The following BNIP2 variants were observed in gnomAD, a reference collection of about 807,000 sequenced individuals.
The protein encoded by BNIP2 is BCL2/adenovirus E1B 19 kDa protein-interacting protein 2.
BNIP2 carries 36 observed loss-of-function variants against 43.4 expected under a neutral mutation model. The observed-to-expected ratio is 0.83, with a 90% CI of 0.64 to 1.10. The LOEUF (loss-of-function observed/expected upper bound fraction) is 1.10. BNIP2 is among the 50% of genes least tolerant of loss of function. The pLI, the probability that BNIP2 is intolerant of heterozygous loss-of-function variation, is 0.00. For synonymous variants in BNIP2, 146 were observed against 121.0 expected (o/e 1.21, Z -1.35); for missense variants, 417 against 374.1 (o/e 1.11, Z -0.95).
At chr15:59,678,295 T>C in intron 4 of BNIP2, 1 of 1,289,064 alleles carries the variant, frequency 7.8e-7, no homozygotes, top group Non-Finnish European at 9.8e-7. Flanking sequence ...TTAACTTTTA[T>C]TGCCCAATTT....
At chr15:59,668,769 C>A in intron 9 of BNIP2, 123 bp downstream of exon 9, 1 of 805,404 alleles carries the variant, frequency 1.2e-6, no homozygotes, top group Non-Finnish European at 1.9e-6. Flanking sequence ...CACACACACA[C>A]ACACGCGCGC....
At chr15:59,677,082 A>G in intron 5 of BNIP2, 3 of 1,610,280 alleles carry the variant, frequency 1.9e-6, no homozygotes, top group Non-Finnish European at 8.5e-7. Flanking sequence ...AGGCTAAGAA[A>G]GCACTACCTT....
Position 59,663,527 on chromosome 15 carries a change from C to T in BNIP2, c.*542G>A, listed in dbSNP as rs1892385006. On this transcript the variant is annotated 3_prime_UTR_variant, in exon 10 of 10. Coordinates refer to ENST00000607373, the MANE Select transcript of BNIP2 (RefSeq NM_004330.4). The stretch of plus-strand genomic sequence containing the variant: ...ATACATGATCTTTGGGTATTCATGA[C>T]AATCAGTTTAACCATCTGTTGCCTT... 1 of 152,580 alleles carries T rather than the reference C, an allele frequency of 6.6e-6. No homozygotes were observed. The highest frequency in any genetic ancestry group is 1.9e-4 in the East Asian group (1 of 5,196). The allele number at this position is 152,580 out of a possible 1,614,324, so 9.5% of individuals were successfully genotyped here. A position where few individuals can be genotyped will look rare whatever the true frequency, so the allele number is the denominator to read the frequency against.
In BNIP2 at chr15:59,682,447, A is replaced by T. The variant is rs1316793983; in HGVS notation, c.11T>A (p.Val4Glu). Residue 4 changes from valine to glutamate, a missense_variant, in exon 2 of 10, where the codon GTG becomes GAG. Val to Glu is a moderately radical substitution (Grantham distance 121, BLOSUM62 -2). Coordinates refer to ENST00000607373, the MANE Select transcript of BNIP2 (RefSeq NM_004330.4). The stretch of plus-strand genomic sequence containing the variant: ...ATCTTGCCATTCTTCTTTAAGTTCC[A>T]CACCTTCCATCCTCAGCCTGGATTC... MEG[V>E]ELKEEWQDED... 31 of 1,613,610 alleles carry T rather than the reference A, an allele frequency of 1.9e-5. No individual in the cohort carries two copies. Among genetic ancestry groups the T allele is most frequent in the Non-Finnish European group, 2.4e-5 (28 of 1,179,766 alleles).
intron 9 of BNIP2, among the ~76,000 whole-genome samples, chr15:59,667,722 C>G (rs1366777321): frequency 6.6e-6 from 1 of 152,180 alleles, no homozygotes; most frequent in Admixed American, 6.5e-5. Context: ...TTTAAAAAGT[C>G]TGCAAAAATA....
At chr15:59,682,350 G>A (rs1893738380) in intron 2 of BNIP2, 58 bp downstream of exon 2, 8 of 1,474,920 alleles carry the variant, frequency 5.4e-6, no homozygotes, top group South Asian at 4.9e-5. Context: ...GTAACATCTC[G>A]ATAAAGAAAT....
At chr15:59,680,154 GTTTTT>G in intron 3 of BNIP2, 82 bp downstream of exon 3, 1 of 818,094 alleles carries the variant, frequency 1.2e-6, no homozygotes, top group Non-Finnish European at 1.7e-6. Context: ...AAAAACTCAA[GTTTTT>G]TTTTTTTTTG....
chr15:59,676,816 C>T (rs1242647767), intron 5 of BNIP2: 2 of 1,538,780 alleles, frequency 1.3e-6, no homozygotes, highest in African/African-American at 2.7e-5. Context: ...TGCAGCGCCG[C>T]TACTACTTCC....
chr15:59,678,337 T>C, intron 4 of BNIP2: 1 of 1,209,452 alleles, frequency 8.3e-7, no homozygotes. Context: ...GTGAAACGTG[T>C]ATCCACAAGT....
At position 59,688,692 on chromosome 15, in the gene BNIP2, T is replaced by C. The variant is rs968257238; in HGVS notation, c.-58+443A>G. On this transcript the variant is annotated intron_variant, in intron 1 of 9. Coordinates refer to ENST00000607373, the MANE Select transcript of BNIP2 (RefSeq NM_004330.4). ...GATCTATTAAAGCCCTGATTACTTA[T>C]GCTGCTTCCGTGTCTATTCCCCGCG... 2.9e-5 allele frequency: 44 copies of C among 1,533,944 alleles called. 1 individual carries two copies. The highest frequency in any genetic ancestry group is 3.8e-5 in the Non-Finnish European group (43 of 1,145,494).
rs1182315424 is a variant in BNIP2 at position 59,663,930 on chromosome 15, C to T, written c.*139G>A. Reference sequence around the variant, plus strand: ...GCAGTGAACAGTCCCTTGTATAATACAAAAGTCCATTATGAAAAAGTCAAG... The same window carrying T: ...GCAGTGAACAGTCCCTTGTATAATATAAAAGTCCATTATGAAAAAGTCAAG... On this transcript the variant is annotated 3_prime_UTR_variant, in exon 10 of 10. Coordinates refer to ENST00000607373, the MANE Select transcript of BNIP2 (RefSeq NM_004330.4). The T allele has an allele frequency of 4.5e-6, 3 of 668,638 alleles. No homozygotes were observed. Among genetic ancestry groups the T allele is most frequent in the South Asian group, 2.5e-5 (1 of 39,380 alleles). 41.4% of individuals were successfully genotyped at this position (668,638 alleles called of 1,614,324 possible). A position where few individuals can be genotyped will look rare whatever the true frequency, so the allele number is the denominator to read the frequency against.
rs1401102785 is a variant in BNIP2 at position 59,679,752 on chromosome 15, A to G, written c.135T>C (p.Asn45=). The change falls in exon 4 of 10, where the codon AAT becomes AAC. Residue 45 remains asparagine, a synonymous_variant. Coordinates refer to ENST00000607373, the MANE Select transcript of BNIP2 (RefSeq NM_004330.4). The part of the protein sequence containing the change: ...PEDQPGSLEV[N]GNKVRKKLMA... ...TTAGTTTCTTTCTCACTTTATTTCC[A>G]TTAACTTCTAGTGAGCCTGGAATTG... 15 of 1,541,710 alleles carry G rather than the reference A, an allele frequency of 9.7e-6. No homozygotes were observed. Among genetic ancestry groups the G allele is most frequent in the Non-Finnish European group, 1.3e-5 (15 of 1,150,852 alleles).
chr15:59,672,697 A>T lies in BNIP2; in HGVS notation c.515T>A (p.Val172Asp), dbSNP rs778983160. Residue 172 changes from valine to aspartate, a missense_variant, in exon 6 of 10, where the codon GTC becomes GAC. Coordinates refer to ENST00000607373, the MANE Select transcript of BNIP2 (RefSeq NM_004330.4). ...CTGACTACTTTCAGGCATGAAACAG[A>T]CAGCAAACACAACAATGGCATTTAA... is the stretch of plus-strand genomic sequence containing the variant. ...DGLNAIVVFA[V>D]CFMPESSQPN... is the part of the protein sequence containing the mutation. The T allele has an allele frequency of 8.1e-6, 13 of 1,613,788 alleles. No individual in the cohort carries two copies. In the East Asian group the frequency reaches 2.0e-4, roughly 25 times the overall value.
chr15:59,674,161 A>T (rs1261266944), intron 5 of BNIP2, among the ~76,000 whole-genome samples: 1 of 152,110 alleles, frequency 6.6e-6, no homozygotes, highest in Admixed American at 6.6e-5. Flanking sequence ...CAGTAATGGA[A>T]AACAGCGCTA....
chr15:59,682,225 G>A (rs965036299), intron 2 of BNIP2, among the ~76,000 whole-genome samples, 183 bp downstream of exon 2: 1 of 152,120 alleles, frequency 6.6e-6, no homozygotes, highest in Non-Finnish European at 1.5e-5. Flanking sequence ...TACCTGGGAG[G>A]TGGAGGCAGA....
rs1175671159 is a variant in BNIP2, at chr15:59,689,304, G to T, written c.-227C>A. 1.3e-6 allele frequency: 2 copies of T among 1,547,004 alleles called. No homozygotes were observed. The stretch of plus-strand genomic sequence containing the variant: ...CAGCGGTACGGCGTCGGCGGCAGCA[G>T]CTGACCCGGACACAGTGAGAAGCCC... On this transcript the variant is annotated 5_prime_UTR_variant, in exon 1 of 10. It adds an upstream start codon to the 5' untranslated region. Coordinates refer to ENST00000607373, the MANE Select transcript of BNIP2 (RefSeq NM_004330.4).
intron 9 of BNIP2, chr15:59,665,464 G>A (rs1305075988): frequency 6.5e-6 from 1 of 152,774 alleles, no homozygotes; most frequent in Non-Finnish European, 1.5e-5. Context: ...ACAAAAATTA[G>A]CCAGGTGTGG....
intron 4 of BNIP2, 138 bp downstream of exon 4, chr15:59,679,454 G>A: frequency 1.0e-6 from 1 of 1,004,376 alleles, no homozygotes; most frequent in East Asian, 2.8e-5. Flanking sequence ...CACTTTTTAA[G>A]TCCTTGAGAA....
intron 6 of BNIP2, 46 bp from the exon 7 acceptor site, chr15:59,671,360 A>G: frequency 6.6e-7 from 1 of 1,513,188 alleles, no homozygotes; most frequent in South Asian, 1.2e-5. Context: ...CACTGTGCAT[A>G]ACTGAACTAG....
Sources: gnomAD v4.1 joint callset for allele counts (sites outside exome capture counted in the v4.1 genomes callset) on GRCh38, gnomAD v4.1.1 for gene constraint, MANE v1.5 for transcripts, NCBI Gene and HGNC (gene_info 2026-07-23, HGNC 2026-07-21) for gene names.